The following DENND4B variants were observed in gnomAD, a reference collection of about 807,000 sequenced individuals.
DENND4B encodes the protein DENN domain-containing protein 4B.
In DENND4B, 67 loss-of-function variants were observed where a neutral mutation model predicts 161.0. The ratio of observed to expected loss-of-function variants is 0.42; its 90% CI spans 0.34 to 0.51. DENND4B has a LOEUF of 0.51. Among genes scored for constraint, DENND4B ranks in the 20% least tolerant of loss-of-function variants. DENND4B has a pLI of 0.08. For missense variants in DENND4B, 1,481 were observed against 1,968.0 expected (o/e 0.75, Z 4.68); for synonymous variants, 753 against 813.8 (o/e 0.93, Z 1.27).
Position 153,946,178 on chromosome 1 carries a change from G to C in DENND4B, c.-24+123C>G, listed in dbSNP as rs1286387335. The C allele has an allele frequency of 6.6e-6, 2 of 302,796 alleles. No homozygotes were observed. The highest frequency in any genetic ancestry group is 1.2e-5 in the Non-Finnish European group (2 of 165,352). The allele number at this position is 302,796 out of a possible 1,614,324, so 18.8% of individuals were successfully genotyped here. A position where few individuals can be genotyped will look rare whatever the true frequency, so the allele number is the denominator to read the frequency against. On this transcript the variant is annotated intron_variant, in intron 1 of 27. Coordinates refer to ENST00000361217, the MANE Select transcript of DENND4B (RefSeq NM_014856.3). This position sits in a 1 kb window ranked among gnomAD's most constrained non-coding sequence, Gnocchi z 6.3. ...TCCACTTTCACTTCCCCAGGAGAGA[G>C]GAACCGGAACCAGATGTGCAGTGAG... is the stretch of plus-strand genomic sequence containing the variant.
At position 153,944,834 on chromosome 1, in the gene DENND4B, G is replaced by A. The variant is rs1679875333; in HGVS notation, c.-23-437C>T. 6.6e-6 allele frequency among the ~76,000 whole-genome samples: 1 copy of A among 152,086 alleles called. No homozygotes were observed. The highest frequency in any genetic ancestry group is 2.1e-4 in the South Asian group (1 of 4,830). On this transcript the variant is annotated intron_variant, in intron 1 of 27. Transcript: ENST00000361217. The surrounding 1 kb of genome is among the most constrained non-coding windows in gnomAD (Gnocchi z 4.8). Reference sequence around the variant, plus strand: ...TCCTACTCTAGTTATGACACCATAAGAACCTTGTGATCCTGCCAATGTTCT... The same window carrying A: ...TCCTACTCTAGTTATGACACCATAAAAACCTTGTGATCCTGCCAATGTTCT...
chr1:153,930,038 G>C lies in DENND4B; in HGVS notation c.*259C>G. 1.9e-6 allele frequency: 1 copy of C among 527,138 alleles called. No individual in the cohort carries two copies. The highest frequency in any genetic ancestry group is 2.4e-5 in the South Asian group (1 of 41,962). The allele number at this position is 527,138 out of a possible 1,614,324, so 32.7% of individuals were successfully genotyped here. On this transcript the variant is annotated 3_prime_UTR_variant, in exon 28 of 28. Transcript: ENST00000361217. The surrounding 1 kb of genome is among the most constrained non-coding windows in gnomAD (Gnocchi z 4.7). ...GAGGGGAGTTCCCGGTATAGGACAAGGGAAGAACAGAGCTGTACCAACTCC... is the reference window on the plus strand; with the variant it reads ...GAGGGGAGTTCCCGGTATAGGACAACGGAAGAACAGAGCTGTACCAACTCC...
chr1:153,945,944 C>G (rs1679939458), intron 1 of DENND4B, among the ~76,000 whole-genome samples: 1 of 152,210 alleles, frequency 6.6e-6, no homozygotes, highest in Non-Finnish European at 1.5e-5. Context: ...CGGGTTGGGG[C>G]AGAGGGCGCG....
In DENND4B at chr1:153,942,850, C is replaced by A; in HGVS notation, c.570+28G>T. 6.4e-7 allele frequency: 1 copy of A among 1,574,210 alleles called. No homozygotes were observed. The highest frequency in any genetic ancestry group is 8.7e-7 in the Non-Finnish European group (1 of 1,155,874). On this transcript the variant is annotated intron_variant, in intron 3 of 27. Transcript: ENST00000361217. This position sits in a 1 kb window ranked among gnomAD's most constrained non-coding sequence, Gnocchi z 6.9. ...CACACCCACTCTTACACCAAGAGGA[C>A]CAGGTGTCAGCTCTTGGCCCCACTC...
chr1:153,941,832 C>T (rs1192111045), intron 6 of DENND4B, 37 bp downstream of exon 6: 1 of 1,605,004 alleles, frequency 6.2e-7, no homozygotes, highest in Non-Finnish European at 8.5e-7. Context: ...CTTATCCCTT[C>T]CTAACCCCTT....
In DENND4B at chr1:153,943,184, C is replaced by T. The variant is rs192351456; in HGVS notation, c.318-54G>A. On this transcript the variant is annotated intron_variant, in intron 2 of 27. Transcript: ENST00000361217. ...GAGAGGTCAGGGTAGAGGACAAAGA[C>T]CCAATCCTGCCAGATCTGCCTATCT... The T allele has an allele frequency of 5.0e-4, 775 of 1,558,176 alleles. 10 individuals are homozygous for T. In the African/African-American group the frequency reaches 9.3e-3, roughly 19 times the overall value.
rs776760647 is a variant in DENND4B at position 153,930,457 on chromosome 1, G to A, written c.4346-15C>T. On this transcript the variant is annotated splice_polypyrimidine_tract_variant and intron_variant, in intron 27 of 27. Transcript: ENST00000361217. This position sits in a 1 kb window ranked among gnomAD's most constrained non-coding sequence, Gnocchi z 4.7. ...ATCGAAGGCCACTAGGGAAGAAGGTGGAAGTCAACATGTTAGGACCGCAGC... is the reference window on the plus strand; with the variant it reads ...ATCGAAGGCCACTAGGGAAGAAGGTAGAAGTCAACATGTTAGGACCGCAGC... 6.2e-7 allele frequency: 1 copy of A among 1,613,918 alleles called. No homozygotes were observed. Among genetic ancestry groups the A allele is most frequent in the Non-Finnish European group, 8.5e-7 (1 of 1,179,806 alleles).
rs1678821029 is a variant in DENND4B, at chr1:153,930,184, C to T, written c.*113G>A. 7.4e-6 allele frequency: 10 copies of T among 1,359,620 alleles called. No homozygotes were observed. Among genetic ancestry groups the T allele is most frequent in the Non-Finnish European group, 9.8e-6 (10 of 1,018,792 alleles). 84.2% of individuals were successfully genotyped at this position (1,359,620 alleles called of 1,614,324 possible). On this transcript the variant is annotated 3_prime_UTR_variant, in exon 28 of 28. Coordinates refer to ENST00000361217, the MANE Select transcript of DENND4B (RefSeq NM_014856.3). The surrounding 1 kb of genome is among the most constrained non-coding windows in gnomAD (Gnocchi z 4.7). Reference sequence around the variant, plus strand: ...TCCTCGCTTGGAGCCTTTGACTGGGCATCCTTCCCAGCCTGTTCCCAACTC... The same window carrying T: ...TCCTCGCTTGGAGCCTTTGACTGGGTATCCTTCCCAGCCTGTTCCCAACTC...
At position 153,944,540 on chromosome 1, in the gene DENND4B, CCT is replaced by C; in HGVS notation, c.-23-145_-23-144del. ...GGTCGGCCAATCCTGAACTCTTCCCCCTGTGACATCACTGCCCACCACAGCTT... is the reference window on the plus strand; with the variant it reads ...GGTCGGCCAATCCTGAACTCTTCCCCGTGACATCACTGCCCACCACAGCTT... On this transcript the variant is annotated intron_variant, in intron 1 of 27. Coordinates refer to ENST00000361217, the MANE Select transcript of DENND4B (RefSeq NM_014856.3). This position sits in a 1 kb window ranked among gnomAD's most constrained non-coding sequence, Gnocchi z 4.8. 1 of 790,458 alleles carries C rather than the reference CCT, an allele frequency of 1.3e-6. No homozygotes were observed. The highest frequency in any genetic ancestry group is 2.9e-5 in the East Asian group (1 of 34,528). 49.0% of individuals were successfully genotyped at this position (790,458 alleles called of 1,614,324 possible).
chr1:153,943,218 G>T, intron 2 of DENND4B, 88 bp from the exon 3 acceptor site: 1 of 1,520,538 alleles, frequency 6.6e-7, no homozygotes, highest in South Asian at 1.3e-5. Context: ...CTAATCCCCT[G>T]AACTTGCCTT....
In DENND4B at chr1:153,944,315, C is replaced by G. The variant is rs1679847817; in HGVS notation, c.60G>C (p.Gly20=). The G allele has an allele frequency of 6.2e-7, 1 of 1,608,024 alleles. No individual in the cohort carries two copies. Among genetic ancestry groups the G allele is most frequent in the Non-Finnish European group, 8.5e-7 (1 of 1,177,198 alleles). ...VDYFVVAGLA[G]NGAPIPEETW... ...TTTCCTCAGGGATGGGTGCTCCGTT[C>G]CCTGCAAGCCCAGCTACCACGAAGT... Residue 20 remains glycine, a synonymous_variant, in exon 2 of 28, where the codon GGG becomes GGC. Coordinates refer to ENST00000361217, the MANE Select transcript of DENND4B (RefSeq NM_014856.3). This position sits in a 1 kb window ranked among gnomAD's most constrained non-coding sequence, Gnocchi z 4.8.
chr1:153,931,186 G>GA, intron 24 of DENND4B, 122 bp from the exon 25 acceptor site: 1 of 769,302 alleles, frequency 1.3e-6, no homozygotes, highest in Non-Finnish European at 2.1e-6. Context: ...AGAGAAGTGG[G>GA]AAAGGAATTC....
Position 153,939,849 on chromosome 1 carries a change from G to A in DENND4B, c.1604-45C>T. On this transcript the variant is annotated intron_variant, in intron 11 of 27. Transcript: ENST00000361217. ...AAGAGTCAGGGCTGGCTCCCATAGT[G>A]TTACCCTCAACTCTGCTCTCATGCC... The A allele has an allele frequency of 1.3e-6, 2 of 1,585,324 alleles. 1 individual carries two copies. The highest frequency in any genetic ancestry group is 2.2e-5 in the South Asian group (2 of 89,522).
upstream of DENND4B, chr1:153,946,819 C>G (rs1680002014): frequency 2.8e-6 from 1 of 351,004 alleles, no homozygotes; most frequent in African/African-American, 2.1e-5. The surrounding 1 kb of genome is among the most constrained non-coding windows in gnomAD (Gnocchi z 6.3). Context: ...AGGACACTGA[C>G]CCCAGGCGAC....
chr1:153,941,774 A>AGGGGGGGGG, intron 6 of DENND4B, 95 bp downstream of exon 6: 1 of 618,134 alleles, frequency 1.6e-6, no homozygotes, highest in Non-Finnish European at 2.8e-6. Flanking sequence ...CCCTGTGCCC[A>AGGGGGGGGG]GCCCTCCCCC....
rs1319424044 is a variant in DENND4B at position 153,932,463 on chromosome 1, G to A, written c.3760-23C>T. 1.3e-6 allele frequency: 2 copies of A among 1,583,364 alleles called. No individual in the cohort carries two copies. The highest frequency in any genetic ancestry group is 3.6e-5 in the Admixed American group (2 of 54,998). Reference sequence around the variant, plus strand: ...TCCCTATCAGGCACAAAGGGGGAGGGCAGTAGAGGGCATGTACATCCCCAG... The same window carrying A: ...TCCCTATCAGGCACAAAGGGGGAGGACAGTAGAGGGCATGTACATCCCCAG... On this transcript the variant is annotated intron_variant, in intron 23 of 27. Coordinates refer to ENST00000361217, the MANE Select transcript of DENND4B (RefSeq NM_014856.3). This position sits in a 1 kb window ranked among gnomAD's most constrained non-coding sequence, Gnocchi z 5.8.
At position 153,940,624 on chromosome 1, in the gene DENND4B, G is replaced by A. The variant is rs184141501; in HGVS notation, c.1327-18C>T. ...AAGATCATCTGAAGCACCAGGCAGT[G>A]AGAACCAGTGAACAGGGGGTTGAGG... On this transcript the variant is annotated intron_variant, in intron 9 of 27. Coordinates refer to ENST00000361217, the MANE Select transcript of DENND4B (RefSeq NM_014856.3). This position sits in a 1 kb window ranked among gnomAD's most constrained non-coding sequence, Gnocchi z 5.6. 48 of 1,607,428 alleles carry A rather than the reference G, an allele frequency of 3.0e-5. No homozygotes were observed. In the African/African-American group the frequency reaches 6.1e-4, roughly 21 times the overall value.
At position 153,936,124 on chromosome 1, in the gene DENND4B, A is replaced by G. The variant is rs1395508642; in HGVS notation, c.2504T>C (p.Val835Ala). 1.2e-6 allele frequency: 2 copies of G among 1,611,800 alleles called. No homozygotes were observed. The highest frequency in any genetic ancestry group is 2.2e-5 in the East Asian group (1 of 44,840). The change falls in exon 17 of 28, where the codon GTC becomes GCC. Residue 835 changes from valine (V) to alanine (A), a missense_variant. Around this residue, in one of 3 missense-constraint regions of DENND4B, gnomAD observed 806 missense variants for 1,134.4 expected, o/e 0.71. Coordinates refer to ENST00000361217, the MANE Select transcript of DENND4B (RefSeq NM_014856.3). The surrounding 1 kb of genome is among the most constrained non-coding windows in gnomAD (Gnocchi z 4.1). ...GCCTGCCTGACGCATCTCCAGCATGACCCGCACAGACAGCACAGGCTGCCC... is the reference window on the plus strand; with the variant it reads ...GCCTGCCTGACGCATCTCCAGCATGGCCCGCACAGACAGCACAGGCTGCCC... ...HYGQPVLSVR[V>A]MLEMRQAGIV... is the part of the protein sequence containing the mutation.
chr1:153,941,773 C>CGGGCG, intron 6 of DENND4B, 96 bp downstream of exon 6: 2 of 1,426,302 alleles, frequency 1.4e-6, no homozygotes, highest in South Asian at 1.3e-5. Context: ...ACCCTGTGCC[C>CGGGCG]AGCCCTCCCC....
Sources: gnomAD v4.1 joint callset for allele counts (sites outside exome capture counted in the v4.1 genomes callset) on GRCh38, gnomAD v4.1.1 for gene constraint, gnomAD v4.1.1 regional missense constraint, Gnocchi (gnomAD v3.1) non-coding constraint, MANE v1.5 for transcripts, NCBI Gene and HGNC (gene_info 2026-07-23, HGNC 2026-07-21) for gene names.